The following CLASP1 variants were observed in gnomAD, a reference collection of about 807,000 sequenced individuals.
CLASP1 encodes the protein CLIP-associating protein 1.
A neutral mutation model predicts 192.3 loss-of-function variants in CLASP1; 38 were observed. That is an observed-to-expected ratio of 0.20 (90% CI 0.15 to 0.26). The LOEUF is 0.26. Among genes scored for constraint, CLASP1 ranks in the 10% least tolerant of loss-of-function variants. CLASP1 has a pLI of 1.00. For synonymous variants in CLASP1, 691 were observed against 712.8 expected, an observed-to-expected ratio of 0.97 and a Z score of 0.49; for missense variants, 1,433 against 1,932.5, an observed-to-expected ratio of 0.74 and a Z score of 4.85.
intron 35 of CLASP1, among the ~76,000 whole-genome samples, chr2:121,367,180 G>T (rs151311314): frequency 6.6e-6 from 1 of 152,196 alleles, no homozygotes; most frequent in South Asian, 2.1e-4. Context: ...ACAGCTCGGG[G>T]AGCTGGGAAG....
At chr2:121,641,309 C>G (rs1188085851) in intron 1 of CLASP1, among the ~76,000 whole-genome samples, 1 of 150,876 alleles carries the variant, frequency 6.6e-6, no homozygotes, top group South Asian at 2.1e-4. Flanking sequence ...TTGTGTAGCC[C>G]CAGAAGCACT....
intron 1 of CLASP1, among the ~76,000 whole-genome samples, chr2:121,612,591 T>G (rs2065799543): frequency 6.6e-6 from 1 of 151,352 alleles, no homozygotes; most frequent in East Asian, 2.0e-4. Context: ...GAGGAGCTGA[T>G]GGAGCTGGAG....
chr2:121,609,241 A>AAT (rs2064867240), intron 1 of CLASP1, among the ~76,000 whole-genome samples: 1 of 152,188 alleles, frequency 6.6e-6, no homozygotes, highest in Admixed American at 6.5e-5. Flanking sequence ...GTGATTTATA[A>AAT]ATATATATCA....
At chr2:121,480,526 T>C (rs1477759761) in intron 8 of CLASP1, among the ~76,000 whole-genome samples, 3 of 152,200 alleles carry the variant, frequency 2.0e-5, no homozygotes, top group Non-Finnish European at 4.4e-5. Flanking sequence ...CACTGGGTAG[T>C]GAGCCTGTCC....
intron 2 of CLASP1, among the ~76,000 whole-genome samples, chr2:121,564,632 C>T (rs1173263202): frequency 6.6e-6 from 1 of 152,134 alleles, no homozygotes; most frequent in Non-Finnish European, 1.5e-5. Context: ...CAGTTAAACA[C>T]GGGAAACCAA....
At chr2:121,569,846 A>G (rs531694498) in intron 2 of CLASP1, among the ~76,000 whole-genome samples, 4 of 152,310 alleles carry the variant, frequency 2.6e-5, no homozygotes, top group Admixed American at 6.5e-5. Context: ...CTCAAAAAAA[A>G]AAAGATTACT....
At chr2:121,418,560 G>A in intron 23 of CLASP1, 62 bp downstream of exon 23, 1 of 1,128,656 alleles carries the variant, frequency 8.9e-7, no homozygotes. Context: ...CCGCCTAGCA[G>A]TGTCTCGGAC....
intron 23 of CLASP1, among the ~76,000 whole-genome samples, chr2:121,414,161 G>T (rs1366082002): frequency 6.6e-6 from 1 of 152,196 alleles, no homozygotes; most frequent in Non-Finnish European, 1.5e-5. Flanking sequence ...AACAGATTCA[G>T]CAGTGGAGAG....
At chr2:121,517,935 C>G (rs1017555283) in intron 6 of CLASP1, among the ~76,000 whole-genome samples, 1 of 131,772 alleles carries the variant, frequency 7.6e-6, no homozygotes, top group Non-Finnish European at 1.5e-5. Context: ...GCCTATAATC[C>G]CAGCACTCTG....
At position 121,530,176 on chromosome 2, in the gene CLASP1, G is replaced by C. The variant is rs1432843826; in HGVS notation, c.274+71C>G. Reference sequence around the variant, plus strand: ...CAGGGTGGCTGCCGGGAGGGTTTGGGAGCCGGGGAGGCCGAGGGAAGGCTG... The same window carrying C: ...CAGGGTGGCTGCCGGGAGGGTTTGGCAGCCGGGGAGGCCGAGGGAAGGCTG... On this transcript the variant is annotated intron_variant, in intron 3 of 39. Transcript: ENST00000263710. 8.0e-6 allele frequency: 11 copies of C among 1,376,066 alleles called. No individual in the cohort carries two copies. The East Asian group carries it at 2.6e-4, about 33-fold the overall frequency. 85.2% of individuals were successfully genotyped at this position (1,376,066 alleles called of 1,614,324 possible).
At chr2:121,538,812 G>A (rs2095161158) in intron 2 of CLASP1, among the ~76,000 whole-genome samples, 1 of 150,872 alleles carries the variant, frequency 6.6e-6, no homozygotes, top group Admixed American at 6.6e-5. Flanking sequence ...AAGATCTAAA[G>A]GTGCATTATA....
chr2:121,445,487 T>G, intron 19 of CLASP1: 3 of 1,289,348 alleles, frequency 2.3e-6, no homozygotes, highest in Non-Finnish European at 3.0e-6. Flanking sequence ...TTCCCTCATG[T>G]GTCTGGACTC....
At chr2:121,637,718 T>C (rs989297886) in intron 1 of CLASP1, among the ~76,000 whole-genome samples, 6 of 151,962 alleles carry the variant, frequency 3.9e-5, no homozygotes, top group African/African-American at 9.7e-5. Flanking sequence ...AAACTCCATC[T>C]CTATGAAAAA....
intron 35 of CLASP1, among the ~76,000 whole-genome samples, chr2:121,366,482 G>A (rs1321621783): frequency 6.6e-6 from 1 of 152,212 alleles, no homozygotes; most frequent in African/African-American, 2.4e-5. Flanking sequence ...ATCCCTGCAA[G>A]AGGATCAGCT....
At chr2:121,360,601 G>GA (rs61023548) in intron 37 of CLASP1, among the ~76,000 whole-genome samples, 222 of 103,466 alleles carry the variant, frequency 2.1e-3, no homozygotes, top group Middle Eastern at 0.012. Flanking sequence ...CAAGGGAAAA[G>GA]AAAAAAAAAA....
chr2:121,448,944 ATC>A lies in CLASP1; in HGVS notation c.1691+7_1691+8del, dbSNP rs780469475. On this transcript the variant is annotated splice_region_variant and intron_variant, in intron 17 of 39. Transcript: ENST00000263710. ...TCACATGAATGATAAGCAAAGATGAATCTCTTACTTTAGACTCTCTTGAGAGC... is the reference window on the plus strand; with the variant it reads ...TCACATGAATGATAAGCAAAGATGAATCTTACTTTAGACTCTCTTGAGAGC... 3 of 1,608,320 alleles carry A rather than the reference ATC, an allele frequency of 1.9e-6. No individual in the cohort carries two copies. The African/African-American group carries it at 4.0e-5, about 22-fold the overall frequency.
At chr2:121,363,657 C>A (rs546838327) in intron 36 of CLASP1, among the ~76,000 whole-genome samples, 1 of 152,322 alleles carries the variant, frequency 6.6e-6, no homozygotes, top group Non-Finnish European at 1.5e-5. Context: ...AGGCTTCAGG[C>A]TACAAATTAT....
chr2:121,606,580 G>C (rs1387720658), intron 1 of CLASP1, among the ~76,000 whole-genome samples: 1 of 152,060 alleles, frequency 6.6e-6, no homozygotes, highest in Non-Finnish European at 1.5e-5. Context: ...CTTACTCTCA[G>C]TCTTCTAAAA....
intron 8 of CLASP1, among the ~76,000 whole-genome samples, chr2:121,478,544 T>C (rs1185772268): frequency 6.7e-6 from 1 of 150,104 alleles, no homozygotes; most frequent in Non-Finnish European, 1.5e-5. Flanking sequence ...GAGGTTGCAG[T>C]GAGCTGAGAT....
Sources: gnomAD v4.1 joint callset for allele counts (sites outside exome capture counted in the v4.1 genomes callset) on GRCh38, gnomAD v4.1.1 for gene constraint, MANE v1.5 for transcripts, NCBI Gene and HGNC (gene_info 2026-07-23, HGNC 2026-07-21) for gene names.